Variants in FBXO34 observed in about 807,000 individuals in gnomAD.
FBXO34 encodes the protein F-box only protein 34.
Under a neutral mutation model 24.5 loss-of-function variants are expected in FBXO34, and 12 were observed. That is an observed-to-expected ratio of 0.49 (90% CI 0.31 to 0.79). FBXO34 has a LOEUF of 0.79. Among genes scored for constraint, FBXO34 ranks in the 30% least tolerant of loss-of-function variants. The probability of loss-of-function intolerance (pLI) is 0.04; values close to 1 mark genes in which losing one functional copy is unlikely to be tolerated. For missense variants in FBXO34, 823 were observed against 857.7 expected, an observed-to-expected ratio of 0.96 and a Z score of 0.51; for synonymous variants, 320 against 311.9, an observed-to-expected ratio of 1.03 and a Z score of -0.27.
At chr14:55,401,765 G>A in the FBXO34 span, among the ~76,000 whole-genome samples, 4 of 152,186 alleles carry the variant, frequency 2.6e-5, no homozygotes, top group African/African-American at 4.8e-5. Flanking sequence ...AGTGGCACCA[G>A]AGAAAGCACA....
chr14:55,273,809 T>C (rs1881242886), intron 1 of FBXO34, among the ~76,000 whole-genome samples: 1 of 152,134 alleles, frequency 6.6e-6, no homozygotes, highest in Admixed American at 6.5e-5. Context: ...TACTAGTTTT[T>C]TTGTATGTTT....
chr14:55,363,759 T>A (rs1171464717), downstream of FBXO34, among the ~76,000 whole-genome samples: 5 of 152,182 alleles, frequency 3.3e-5, no homozygotes, highest in Admixed American at 2.0e-4. Context: ...TTGCAATTTT[T>A]AAAAAATAGC....
chr14:55,335,223 T>G (rs765887677), intron 1 of FBXO34: 9 of 152,220 alleles, frequency 5.9e-5, no homozygotes, highest in Non-Finnish European at 1.2e-4. Flanking sequence ...GTTTGTGGTG[T>G]TTACTTTTTA....
the FBXO34 span, among the ~76,000 whole-genome samples, chr14:55,388,103 C>T: frequency 1.4e-4 from 22 of 152,262 alleles, no homozygotes; most frequent in South Asian, 1.2e-3. Flanking sequence ...TGCCACTGCA[C>T]TCCAGCCTGG....
chr14:55,414,622 A>T, the FBXO34 span, among the ~76,000 whole-genome samples: 8 of 152,348 alleles, frequency 5.3e-5, no homozygotes, highest in South Asian at 1.7e-3. Flanking sequence ...AACTACAGCC[A>T]TATTTCCACA....
At chr14:55,430,152 A>C in the FBXO34 span, among the ~76,000 whole-genome samples, 1 of 152,176 alleles carries the variant, frequency 6.6e-6, no homozygotes, top group South Asian at 2.1e-4. Context: ...GTGACAAAAC[A>C]AAACAGTAGG....
At chr14:55,408,055 C>T in the FBXO34 span, among the ~76,000 whole-genome samples, 2 of 152,188 alleles carry the variant, frequency 1.3e-5, no homozygotes, top group Non-Finnish European at 2.9e-5. Context: ...ACATTCTAGG[C>T]ATCATGCTAA....
chr14:55,377,787 C>G, the FBXO34 span: 1 of 1,481,028 alleles, frequency 6.8e-7, no homozygotes, highest in Non-Finnish European at 9.2e-7. Flanking sequence ...TTCACAAAAA[C>G]ACTTAGAGAA....
At chr14:55,394,883 A>C in the FBXO34 span, 1 of 355,710 alleles carries the variant, frequency 2.8e-6, no homozygotes, top group Non-Finnish European at 5.4e-6. Flanking sequence ...GCCTCCCACT[A>C]CTCAATATCC....
the FBXO34 span, chr14:55,413,853 C>T: frequency 2.5e-6 from 1 of 404,680 alleles, no homozygotes; most frequent in South Asian, 2.1e-5. Flanking sequence ...CAACAGCATG[C>T]TGGGTAACAC....
At chr14:55,440,663 T>A in the FBXO34 span, 1 of 1,206,094 alleles carries the variant, frequency 8.3e-7, no homozygotes, top group Non-Finnish European at 1.1e-6. Flanking sequence ...TACCGGCCCA[T>A]GGGCGCTGGG....
rs58194693 is a variant in FBXO34, at chr14:55,338,048, CT to C, written c.-10-12314del. Among the ~76,000 whole-genome samples, 450 of 88,246 alleles carry C rather than the reference CT, an allele frequency of 5.1e-3. 24 individuals are homozygous for C. In the East Asian group the frequency reaches 0.059, roughly 12 times the overall value. 57.9% of individuals were successfully genotyped at this position (88,246 alleles called of 152,430 possible). On this transcript the variant is annotated intron_variant, in intron 1 of 1. Transcript: ENST00000313833. Reference sequence around the variant, plus strand: ...CAATTGGAGATAAGAGTATGTACTTCTTTTTTTTTTTTTTTTTTTGAGATGG... The same window carrying C: ...CAATTGGAGATAAGAGTATGTACTTCTTTTTTTTTTTTTTTTTTGAGATGG...
the FBXO34 span, among the ~76,000 whole-genome samples, chr14:55,381,073 C>T: frequency 1.3e-5 from 2 of 151,800 alleles, no homozygotes; most frequent in African/African-American, 2.4e-5. Context: ...TCCTCTGTAC[C>T]CCATCCTGCC....
At chr14:55,418,339 T>A in the FBXO34 span, among the ~76,000 whole-genome samples, 1 of 152,216 alleles carries the variant, frequency 6.6e-6, no homozygotes, top group East Asian at 1.9e-4. Context: ...CCCTACCCCT[T>A]AGTCAGCTCC....
At chr14:55,362,468 C>T (rs1375209190), downstream of FBXO34, among the ~76,000 whole-genome samples, 2 of 152,062 alleles carry the variant, frequency 1.3e-5, no homozygotes, top group Non-Finnish European at 2.9e-5. Context: ...TTATCACAAA[C>T]CTTCAATTTG....
chr14:55,350,846 A>G lies in FBXO34; in HGVS notation c.456A>G (p.Lys152=). ...ATGGGAGAGCTACTAAGAGAAGGAAAAAATCAGGGGATCTTAAAAAAGCCA... is the reference window on the plus strand; with the variant it reads ...ATGGGAGAGCTACTAAGAGAAGGAAGAAATCAGGGGATCTTAAAAAAGCCA... The part of the protein sequence containing the change: ...DIDGRATKRR[K]KSGDLKKAKV... The change falls in exon 2 of 2, where the codon AAA becomes AAG. Residue 152 remains lysine (K), a synonymous_variant. Transcript: ENST00000313833. 2 of 1,613,296 alleles carry G rather than the reference A, an allele frequency of 1.2e-6. No homozygotes were observed. Among genetic ancestry groups the G allele is most frequent in the Non-Finnish European group, 1.7e-6 (2 of 1,179,826 alleles).
chr14:55,317,405 G>A (rs553419877), intron 1 of FBXO34, among the ~76,000 whole-genome samples: 8 of 152,126 alleles, frequency 5.3e-5, no homozygotes, highest in Non-Finnish European at 1.0e-4. Context: ...CCTTGAGCCC[G>A]GGAAGGCAGA....
Position 55,298,767 on chromosome 14 carries a change from G to A in FBXO34, c.-11+27230G>A, listed in dbSNP as rs570705263. ...ACAGGAGTTCCTGGAGAAGAAAATC[G>A]AGCAGAGGCACGGCACCAAAAACAA... On this transcript the variant is annotated intron_variant, in intron 1 of 1. Transcript: ENST00000313833. 498 of 1,580,686 alleles carry A rather than the reference G, an allele frequency of 3.2e-4. 2 individuals carry two copies. The African/African-American group carries it at 6.0e-3, about 19-fold the overall frequency.
intron 1 of FBXO34, among the ~76,000 whole-genome samples, chr14:55,294,303 TA>T (rs927337088): frequency 3.6e-4 from 48 of 132,312 alleles, no homozygotes; most frequent in African/African-American, 1.3e-3. Context: ...AAATTATTAT[TA>T]TTTTTTTTGA....
Sources: allele counts gnomAD v4.1 joint callset (sites outside exome capture counted in the v4.1 genomes callset), GRCh38; gene constraint gnomAD v4.1.1; transcripts MANE v1.5; gene names NCBI Gene and HGNC (gene_info 2026-07-23, HGNC 2026-07-21).